The following GASK1A variants were observed in gnomAD, a reference collection of about 807,000 sequenced individuals.
GASK1A encodes the protein Golgi-associated kinase 1A.
GASK1A carries 40 observed loss-of-function variants against 41.2 expected under a neutral mutation model. That is an observed-to-expected ratio of 0.97 (90% CI 0.75 to 1.27). The LOEUF is 1.27. GASK1A is among the 50% of genes most tolerant of loss of function. GASK1A has a pLI of 0.00. For missense variants in GASK1A, 678 were observed against 745.1 expected (o/e 0.91, Z 1.05); for synonymous variants, 316 against 307.1 (o/e 1.03, Z -0.30).
intron 1 of GASK1A, among the ~76,000 whole-genome samples, chr3:42,987,808 G>A (rs1410020323): frequency 6.6e-6 from 1 of 151,874 alleles, no homozygotes; most frequent in Non-Finnish European, 1.5e-5. Context: ...AGACCAGCCT[G>A]GCCAACATGG....
intron 2 of GASK1A, chr3:43,037,379 T>C: frequency 1.0e-6 from 1 of 968,894 alleles, no homozygotes; most frequent in Non-Finnish European, 1.7e-6. Context: ...CTCATTGAAA[T>C]GCACTAAGTA....
chr3:43,045,403 C>A (rs1200397711), intron 2 of GASK1A, among the ~76,000 whole-genome samples: 2 of 152,146 alleles, frequency 1.3e-5, no homozygotes, highest in African/African-American at 4.8e-5. Flanking sequence ...GACAGACAAG[C>A]CAGTCCTGCC....
chr3:42,996,787 A>AG, intron 1 of GASK1A, among the ~76,000 whole-genome samples: 1 of 152,346 alleles, frequency 6.6e-6, no homozygotes, highest in South Asian at 2.1e-4. Flanking sequence ...TCAGGGACTG[A>AG]GGGGTGTTCC....
intron 2 of GASK1A, among the ~76,000 whole-genome samples, chr3:43,048,899 G>A (rs984393962): frequency 3.3e-5 from 5 of 152,164 alleles, no homozygotes; most frequent in Non-Finnish European, 7.3e-5. Flanking sequence ...AATTCAGGGG[G>A]CGCATCACTT....
Position 42,979,380 on chromosome 3 carries a change from T to A in GASK1A, c.-263T>A. ...GCGGCCGCGGGTAGGCTCCCTCAGA[T>A]CCCCGTAGATCTCAGTAGATCCGGC... On this transcript the variant is annotated 5_prime_UTR_variant, in exon 1 of 5. Coordinates refer to ENST00000430121, the MANE Select transcript of GASK1A (RefSeq NM_001129908.3). 2.6e-6 allele frequency: 1 copy of A among 391,614 alleles called. No homozygotes were observed. The highest frequency in any genetic ancestry group is 4.5e-6 in the Non-Finnish European group (1 of 223,404). 24.3% of individuals were successfully genotyped at this position (391,614 alleles called of 1,614,324 possible).
In GASK1A at chr3:43,032,641, A is replaced by G; in HGVS notation, c.378A>G (p.Gly126=). Residue 126 remains glycine (G), a synonymous_variant, in exon 2 of 5, where the codon GGA becomes GGG. Coordinates refer to ENST00000430121, the MANE Select transcript of GASK1A (RefSeq NM_001129908.3). The part of the protein sequence containing the change: ...GRVRRDITLS[G]HPRLSTQHVV... ...TGAGGAGGGACATTACTTTGTCAGG[A>G]CATCCAAGACTCAGTACTCAGCATG... 6.4e-7 allele frequency: 1 copy of G among 1,551,704 alleles called. No individual in the cohort carries two copies. Among genetic ancestry groups the G allele is most frequent in the Non-Finnish European group, 8.7e-7 (1 of 1,146,974 alleles).
At chr3:43,051,957 A>G (rs933572817) in intron 2 of GASK1A, among the ~76,000 whole-genome samples, 3 of 152,126 alleles carry the variant, frequency 2.0e-5, no homozygotes, top group African/African-American at 7.2e-5. Flanking sequence ...AGAGTGTCCA[A>G]TCTAGGTCTT....
intron 1 of GASK1A, among the ~76,000 whole-genome samples, chr3:42,992,671 T>G (rs2125674366): frequency 6.6e-6 from 1 of 152,232 alleles, no homozygotes; most frequent in African/African-American, 2.4e-5. Flanking sequence ...CCTATGACGG[T>G]GAACTGGAAA....
At chr3:42,988,201 A>G (rs1428872330) in intron 1 of GASK1A, among the ~76,000 whole-genome samples, 1 of 152,046 alleles carries the variant, frequency 6.6e-6, no homozygotes, top group Non-Finnish European at 1.5e-5. Flanking sequence ...TGGCTGCTGC[A>G]TCCTTCCTAG....
intron 1 of GASK1A, among the ~76,000 whole-genome samples, chr3:43,031,288 C>G (rs868481696): frequency 6.6e-6 from 1 of 152,140 alleles, no homozygotes; most frequent in African/African-American, 2.4e-5. Context: ...TTGCACTGCT[C>G]CAGACACTGC....
Position 43,025,843 on chromosome 3 carries a change from T to C in GASK1A, c.4-6424T>C, listed in dbSNP as rs138261969. On this transcript the variant is annotated intron_variant, in intron 1 of 4. Transcript: ENST00000430121. ...GGTGTAAACACGGCAGCATAAACTC[T>C]GCATCCTCACCTTACCCTGGAACTA... 2.7e-3 allele frequency among the ~76,000 whole-genome samples: 409 copies of C among 152,326 alleles called. 4 individuals carry two copies. Among genetic ancestry groups the C allele is most frequent in the African/African-American group, 9.3e-3 (386 of 41,572 alleles).
chr3:42,986,761 C>T (rs138574683), intron 1 of GASK1A, among the ~76,000 whole-genome samples: 8 of 151,978 alleles, frequency 5.3e-5, no homozygotes, highest in Non-Finnish European at 7.4e-5. Context: ...TTTTAGAGAG[C>T]GGTTTTGGAG....
intron 3 of GASK1A, 39 bp from the exon 4 acceptor site, chr3:43,055,393 C>A (rs1197131076): frequency 1.6e-5 from 23 of 1,469,628 alleles, no homozygotes; most frequent in Admixed American, 2.0e-5. Context: ...GTAGCTGCAC[C>A]CTTACCCACC....
chr3:43,037,805 G>C (rs900994604), intron 2 of GASK1A, among the ~76,000 whole-genome samples: 1 of 152,088 alleles, frequency 6.6e-6, no homozygotes, highest in Admixed American at 6.5e-5. Flanking sequence ...AGTATATATA[G>C]CTTAAAATAT....
intron 2 of GASK1A, among the ~76,000 whole-genome samples, chr3:43,040,712 T>TTTTTA (rs552280670): frequency 6.6e-6 from 1 of 152,016 alleles, no homozygotes; most frequent in East Asian, 1.9e-4. Context: ...AATGGGATCT[T>TTTTTA]TTTTATTTTA....
intron 1 of GASK1A, among the ~76,000 whole-genome samples, chr3:43,018,392 A>C (rs1366627440): frequency 6.6e-6 from 1 of 152,164 alleles, no homozygotes; most frequent in South Asian, 2.1e-4. Flanking sequence ...CACAAGTCAG[A>C]TGTTTTCAAT....
intron 1 of GASK1A, 29 bp downstream of exon 1, chr3:42,979,674 C>T (rs1327425689): frequency 1.2e-5 from 15 of 1,245,772 alleles, no homozygotes; most frequent in Non-Finnish European, 1.4e-5. Context: ...AACGCGCGAG[C>T]GGAGGGTGGG....
chr3:43,016,301 C>T lies in GASK1A; in HGVS notation c.4-15966C>T, dbSNP rs541830492. On this transcript the variant is annotated intron_variant, in intron 1 of 4. Coordinates refer to ENST00000430121, the MANE Select transcript of GASK1A (RefSeq NM_001129908.3). ...TGACAGGGAAACAGGCTGTGTGAAG[C>T]CATAGGTAGGGGCTGTGATGACAGG... is the stretch of plus-strand genomic sequence containing the variant. 2.1e-5 allele frequency among the ~76,000 whole-genome samples: 3 copies of T among 145,058 alleles called. No homozygotes were observed. The East Asian group carries it at 6.4e-4, about 31-fold the overall frequency.
At chr3:42,998,440 C>T (rs919252526) in intron 1 of GASK1A, among the ~76,000 whole-genome samples, 8 of 152,236 alleles carry the variant, frequency 5.3e-5, no homozygotes, top group Admixed American at 3.3e-4. Flanking sequence ...TTGTTCTTAG[C>T]GGGGTAATGC....
Sources: allele counts gnomAD v4.1 joint callset (sites outside exome capture counted in the v4.1 genomes callset), GRCh38; gene constraint gnomAD v4.1.1; transcripts MANE v1.5; gene names NCBI Gene and HGNC (gene_info 2026-07-23, HGNC 2026-07-21).